EPHA10: variants seen among roughly 807,000 people sequenced by gnomAD.
EPHA10 encodes the protein EPH receptor A10.
In EPHA10, 120 loss-of-function variants were observed where a neutral mutation model predicts 109.7. The ratio of observed to expected loss-of-function variants is 1.09; its 90% CI spans 0.94 to 1.27. The LOEUF (loss-of-function observed/expected upper bound fraction) is 1.27. Among genes scored for constraint, EPHA10 ranks in the 50% most tolerant of loss-of-function variants. EPHA10 has a pLI of 0.00. For missense variants in EPHA10, 1,396 were observed against 1,411.1 expected (o/e 0.99, Z 0.17); for synonymous variants, 640 against 618.9 (o/e 1.03, Z -0.51).
chr1:37,732,625 G>T (rs1237534978), intron 6 of EPHA10, among the ~76,000 whole-genome samples: 1 of 152,130 alleles, frequency 6.6e-6, no homozygotes, highest in South Asian at 2.1e-4. Context: ...CAGGCTAGGG[G>T]CAGAGAGGAG....
Position 37,718,008 on chromosome 1 carries a change from C to T in EPHA10, c.*364G>A, listed in dbSNP as rs1018726001. ...ACACCCCACGGGGTAGGCCCCAGCC[C>T]CCAGTGGGTACAAATGGCAGTAGGG... On this transcript the variant is annotated 3_prime_UTR_variant, in exon 17 of 17. Transcript: ENST00000373048. 2.3e-5 allele frequency: 7 copies of T among 307,624 alleles called. No homozygotes were observed. The highest frequency in any genetic ancestry group is 6.1e-6 in the Non-Finnish European group (1 of 165,272). The allele number at this position is 307,624 out of a possible 1,614,324, so 19.1% of individuals were successfully genotyped here. A position where few individuals can be genotyped will look rare whatever the true frequency, so the allele number is the denominator to read the frequency against.
At chr1:37,736,665 G>A (rs1384779198) in intron 5 of EPHA10, among the ~76,000 whole-genome samples, 9 of 151,888 alleles carry the variant, frequency 5.9e-5, no homozygotes, top group Admixed American at 5.2e-4. Flanking sequence ...CCGAGATCGC[G>A]CCACTGCACT....
At chr1:37,729,910 A>G (rs66536721) in intron 7 of EPHA10, among the ~76,000 whole-genome samples, 29,852 of 151,818 alleles carry the variant, frequency 0.2, 3,039 homozygotes, top group Middle Eastern at 0.26. Flanking sequence ...GACACAGCTC[A>G]TGGGAAACCA....
At chr1:37,715,516 C>G (rs536976387), downstream of EPHA10, among the ~76,000 whole-genome samples, 84 of 152,224 alleles carry the variant, frequency 5.5e-4, no homozygotes, top group African/African-American at 1.7e-3. Context: ...GCTGATGACC[C>G]CAAAGCTCTG....
At chr1:37,729,494 G>A (rs1013726547) in intron 7 of EPHA10, among the ~76,000 whole-genome samples, 4 of 152,174 alleles carry the variant, frequency 2.6e-5, no homozygotes, top group African/African-American at 9.7e-5. Context: ...GGCCAAGACA[G>A]GAGAATTGCT....
intron 6 of EPHA10, chr1:37,734,678 C>T: frequency 2.2e-6 from 1 of 454,274 alleles, no homozygotes; most frequent in South Asian, 1.6e-5. Flanking sequence ...CAAAAATCAG[C>T]ACAAGTATCC....
chr1:37,753,175 A>G lies in EPHA10; in HGVS notation c.1058T>C (p.Leu353Pro). Reference protein sequence around the residue: ...DLQYSLSRSPLVLRLRWLPPA... With the variant: ...DLQYSLSRSPPVLRLRWLPPA... Reference sequence around the variant, plus strand: ...CGGCAGCCAGCGCAGTCGCAGCACCAGCGGCGAGCGGCTCAGGCTGTACTG... The same window carrying G: ...CGGCAGCCAGCGCAGTCGCAGCACCGGCGGCGAGCGGCTCAGGCTGTACTG... The change falls in exon 5 of 17, where the codon CTG becomes CCG. Residue 353 changes from leucine (L) to proline (P), a missense_variant. Leu to Pro is a moderately conservative substitution (Grantham distance 98, BLOSUM62 -3). Transcript: ENST00000373048. 7.1e-7 allele frequency: 1 copy of G among 1,402,688 alleles called. No homozygotes were observed. Among genetic ancestry groups the G allele is most frequent in the East Asian group, 3.1e-5 (1 of 32,168 alleles). 86.9% of individuals were successfully genotyped at this position (1,402,688 alleles called of 1,614,324 possible).
Position 37,752,861 on chromosome 1 carries a change from C to T in EPHA10, c.1357+15G>A. The T allele has an allele frequency of 4.0e-6, 5 of 1,253,214 alleles. No individual in the cohort carries two copies. The highest frequency in any genetic ancestry group is 2.9e-5 in the South Asian group (1 of 34,786). 77.6% of individuals were successfully genotyped at this position (1,253,214 alleles called of 1,614,324 possible). The stretch of plus-strand genomic sequence containing the variant: ...GGCGCGGTGGCCTCGGGGTGGGGGG[C>T]GCGGACGGCCTTACCCCCGGGCCCG... On this transcript the variant is annotated intron_variant, in intron 5 of 16. Transcript: ENST00000373048.
chr1:37,752,850 G>T, intron 5 of EPHA10, 26 bp downstream of exon 5: 1 of 1,249,266 alleles, frequency 8.0e-7, no homozygotes, highest in Non-Finnish European at 1.0e-6. Flanking sequence ...CGGTGGCCTC[G>T]GGGTGGGGGG....
In EPHA10 at chr1:37,761,755, C is replaced by T. The variant is rs753765935; in HGVS notation, c.500G>A (p.Gly167Asp). ...TGTGTTCAGCTTCATCTTGCGCTCA[C>T]CCAGGTCGCCCTGCGTGAAGCTCTC... ...ADESFTQGDLGERKMKLNTEV... is the reference protein window; with the variant it reads ...ADESFTQGDLDERKMKLNTEV... Residue 167 changes from glycine to aspartate, a missense_variant, in exon 3 of 17, where the codon GGT (glycine) becomes GAT (aspartate). Gly to Asp is a moderately conservative substitution (Grantham distance 94). Transcript: ENST00000373048. 1 of 1,613,856 alleles carries T rather than the reference C, an allele frequency of 6.2e-7. No individual in the cohort carries two copies. The highest frequency in any genetic ancestry group is 8.5e-7 in the Non-Finnish European group (1 of 1,179,860).
At chr1:37,730,773 C>A (rs1391628258) in intron 7 of EPHA10, among the ~76,000 whole-genome samples, 1 of 151,942 alleles carries the variant, frequency 6.6e-6, no homozygotes, top group African/African-American at 2.4e-5. Context: ...CTCACTGCAA[C>A]CTCTGCCTCC....
intron 6 of EPHA10, among the ~76,000 whole-genome samples, chr1:37,732,860 G>GTTTTTTTT (rs1557541356): frequency 7.8e-5 from 2 of 25,792 alleles, no homozygotes; most frequent in African/African-American, 3.0e-4. Context: ...TTTTATACTT[G>GTTTTTTTT]TTCTTTTTTT....
intron 8 of EPHA10, 49 bp downstream of exon 8, chr1:37,727,053 A>G (rs1645903707): frequency 1.4e-6 from 2 of 1,466,850 alleles, no homozygotes; most frequent in Admixed American, 1.9e-5. Flanking sequence ...ATTAATGTGC[A>G]CGGGACATGA....
intron 7 of EPHA10, 54 bp from the exon 8 acceptor site, chr1:37,727,264 GC>G: frequency 6.9e-7 from 1 of 1,451,944 alleles, no homozygotes; most frequent in Non-Finnish European, 9.3e-7. Flanking sequence ...TCCTAGGCAA[GC>G]CCCAGGGCAG....
At chr1:37,762,905 G>C (rs1369377542) in intron 1 of EPHA10, 56 bp from the exon 2 acceptor site, 1 of 1,486,894 alleles carries the variant, frequency 6.7e-7, no homozygotes, top group Non-Finnish European at 9.1e-7. Context: ...TTTAGCAAGA[G>C]AGTGGAATCC....
At chr1:37,735,208 C>G (rs923834836) in intron 6 of EPHA10, 49 bp downstream of exon 6, 1 of 1,553,592 alleles carries the variant, frequency 6.4e-7, no homozygotes. Flanking sequence ...AGAAGCCCTG[C>G]GGGACAGGTG....
chr1:37,755,440 G>C (rs1646386366), intron 3 of EPHA10, among the ~76,000 whole-genome samples: 1 of 152,006 alleles, frequency 6.6e-6, no homozygotes, highest in African/African-American at 2.4e-5. Context: ...GAGAGAAAAG[G>C]GCCAGTAAAA....
chr1:37,720,642 G>A, intron 12 of EPHA10, 88 bp from the exon 13 acceptor site: 1 of 1,534,226 alleles, frequency 6.5e-7, no homozygotes, highest in East Asian at 2.3e-5. Context: ...GCTCTCGCCA[G>A]GCTTTAGTTC....
chr1:37,721,147 C>T (rs932256370), intron 11 of EPHA10, among the ~76,000 whole-genome samples: 12 of 151,500 alleles, frequency 7.9e-5, no homozygotes, highest in African/African-American at 2.7e-4. Flanking sequence ...TGGCCAGGCG[C>T]GGTGGTTCAC....
Sources: gnomAD v4.1 joint callset for allele counts (sites outside exome capture counted in the v4.1 genomes callset) on GRCh38, gnomAD v4.1.1 for gene constraint, MANE v1.5 for transcripts, NCBI Gene and HGNC (gene_info 2026-07-23, HGNC 2026-07-21) for gene names.